Variants in ZFHX3 observed in about 807,000 individuals in gnomAD.
ZFHX3 encodes the protein zinc finger homeobox 3, also known as zinc finger homeobox protein 3.
Under a neutral mutation model 279.1 loss-of-function variants are expected in ZFHX3, and 42 were observed. That is an observed-to-expected ratio of 0.15 (90% CI 0.12 to 0.19). The LOEUF (loss-of-function observed/expected upper bound fraction) is 0.19. ZFHX3 is among the 10% of genes least tolerant of loss of function. The pLI is 1.00. For synonymous variants in ZFHX3, 2,293 were observed against 1,957.8 expected (o/e 1.17, Z -4.52); for missense variants, 4,981 against 4,754.0 (o/e 1.05, Z -1.40).
At chr16:73,197,392 A>C (rs1392080830) in intron 5 of ZFHX3, among the ~76,000 whole-genome samples, 1 of 152,186 alleles carries the variant, frequency 6.6e-6, no homozygotes, top group Non-Finnish European at 1.5e-5. Flanking sequence ...AGCAAGGTGG[A>C]TATGGTGATT....
At chr16:73,778,320 C>G (rs1044493746) in intron 1 of ZFHX3, among the ~76,000 whole-genome samples, 24 of 147,904 alleles carry the variant, frequency 1.6e-4, no homozygotes, top group Non-Finnish European at 3.6e-4. Context: ...ATGTCACTTA[C>G]CATTTGGGCA....
At chr16:73,105,337 G>A (rs144729088) in intron 7 of ZFHX3, among the ~76,000 whole-genome samples, 9,759 of 104,306 alleles carry the variant, frequency 0.094, 688 homozygotes, top group East Asian at 0.39. Context: ...ACACACACAC[G>A]TGTGTATATA....
At chr16:73,613,183 C>T (rs945350334) in intron 2 of ZFHX3, among the ~76,000 whole-genome samples, 6 of 152,088 alleles carry the variant, frequency 3.9e-5, no homozygotes, top group African/African-American at 1.4e-4. Context: ...TCCAGACTTC[C>T]CTTGTTGTCT....
intron 5 of ZFHX3, among the ~76,000 whole-genome samples, chr16:73,189,450 C>T (rs549220504): frequency 2.6e-5 from 4 of 152,294 alleles, no homozygotes; most frequent in Admixed American, 1.3e-4. Flanking sequence ...GGGAACGAGC[C>T]GGCACTGGAC....
intron 2 of ZFHX3, among the ~76,000 whole-genome samples, chr16:73,599,367 A>T (rs931889617): frequency 1.3e-5 from 2 of 152,260 alleles, no homozygotes; most frequent in African/African-American, 4.8e-5. Flanking sequence ...ATCTAAAACC[A>T]GGACCAGCTA....
intron 7 of ZFHX3, among the ~76,000 whole-genome samples, chr16:73,098,394 C>T (rs1367491754): frequency 6.6e-6 from 1 of 151,820 alleles, no homozygotes; most frequent in African/African-American, 2.4e-5. Flanking sequence ...TGGAGTTTTG[C>T]TCTCTCACCT....
intron 3 of ZFHX3, among the ~76,000 whole-genome samples, chr16:73,431,171 G>A (rs540020512): frequency 6.6e-6 from 1 of 152,196 alleles, no homozygotes; most frequent in East Asian, 1.9e-4. Context: ...TACATGCTAA[G>A]GTAGTCTGTT....
At chr16:73,299,449 C>G (rs985655877) in intron 4 of ZFHX3, among the ~76,000 whole-genome samples, 1 of 152,182 alleles carries the variant, frequency 6.6e-6, no homozygotes, top group African/African-American at 2.4e-5. Flanking sequence ...GGGCCCAACA[C>G]TGGGGAAGCA....
rs759917787 is a variant in ZFHX3 at position 72,798,478 on chromosome 16, G to A, written c.4204C>T (p.Arg1402Cys). 2.9e-5 allele frequency: 47 copies of A among 1,614,018 alleles called. No individual in the cohort carries two copies. The highest frequency in any genetic ancestry group is 3.3e-5 in the South Asian group (3 of 91,086). The stretch of plus-strand genomic sequence containing the variant: ...AAGGCCAGGCTACACTGATTACAGC[G>A]GTACTTGTACACATGGCGATCTGAC... The part of the protein sequence containing the change: ...PVSDRHVYKY[R>C]CNQCSLAFKT... Residue 1402 changes from arginine to cysteine, a missense_variant, in exon 9 of 10, where the codon CGC becomes TGC. Transcript: ENST00000268489.
At chr16:73,723,396 C>G (rs1597082670) in intron 1 of ZFHX3, among the ~76,000 whole-genome samples, 1 of 152,120 alleles carries the variant, frequency 6.6e-6, no homozygotes, top group Admixed American at 6.5e-5. Context: ...AATGTATGAA[C>G]ATAAACATTA....
chr16:73,121,909 C>T (rs574288644), intron 7 of ZFHX3, among the ~76,000 whole-genome samples: 1 of 152,130 alleles, frequency 6.6e-6, no homozygotes, highest in Non-Finnish European at 1.5e-5. Context: ...GCCACCGCAC[C>T]CAGCCATAAT....
At chr16:73,867,135 G>A (rs1479822632) in intron 1 of ZFHX3, among the ~76,000 whole-genome samples, 1 of 152,064 alleles carries the variant, frequency 6.6e-6, no homozygotes, top group Non-Finnish European at 1.5e-5. Context: ...CTGAGACGGG[G>A]GCCAGAGGGC....
intron 4 of ZFHX3, among the ~76,000 whole-genome samples, chr16:72,883,719 T>A (rs141992377): frequency 2.3e-3 from 345 of 152,352 alleles, no homozygotes; most frequent in African/African-American, 7.6e-3. Flanking sequence ...CAGTCCTTCA[T>A]CAGGGAATGT....
At chr16:73,596,977 T>G (rs1320450940) in intron 2 of ZFHX3, among the ~76,000 whole-genome samples, 1 of 152,120 alleles carries the variant, frequency 6.6e-6, no homozygotes, top group Non-Finnish European at 1.5e-5. Context: ...CAAACAAAAG[T>G]TCAGAGGTTT....
intron 4 of ZFHX3, among the ~76,000 whole-genome samples, chr16:72,872,432 C>T (rs190902955): frequency 2.0e-5 from 3 of 152,076 alleles, no homozygotes; most frequent in Admixed American, 1.3e-4. Context: ...TAGGAGATTA[C>T]GAGAAAAATA....
chr16:72,961,362 G>A (rs1340632535), intron 1 of ZFHX3, among the ~76,000 whole-genome samples: 1 of 152,242 alleles, frequency 6.6e-6, no homozygotes, highest in Admixed American at 6.5e-5. Context: ...TCCCTGGGGA[G>A]GGAGGCATCG....
intron 1 of ZFHX3, among the ~76,000 whole-genome samples, chr16:73,688,051 G>T (rs1231201380): frequency 6.6e-6 from 1 of 151,780 alleles, no homozygotes. Flanking sequence ...GAATGTTTGT[G>T]TCTCCCCAAA....
chr16:73,474,120 C>A (rs1249797009), intron 2 of ZFHX3, among the ~76,000 whole-genome samples: 1 of 151,056 alleles, frequency 6.6e-6, no homozygotes, highest in African/African-American at 2.4e-5. Context: ...GGTCTGGATT[C>A]TCGCTCTTTT....
intron 1 of ZFHX3, among the ~76,000 whole-genome samples, chr16:73,852,710 A>G (rs1289168241): frequency 6.6e-6 from 1 of 152,148 alleles, no homozygotes; most frequent in Non-Finnish European, 1.5e-5. Context: ...CAGGCAAGAA[A>G]GCCTGGCAAG....
Sources: gnomAD v4.1 joint callset for allele counts (sites outside exome capture counted in the v4.1 genomes callset) on GRCh38, gnomAD v4.1.1 for gene constraint, MANE v1.5 for transcripts, NCBI Gene and HGNC (gene_info 2026-07-23, HGNC 2026-07-21) for gene names.